The following TLL1 variants were observed in gnomAD, a reference collection of about 807,000 sequenced individuals.
TLL1 encodes tolloid-like protein 1.
Under a neutral mutation model 128.2 loss-of-function variants are expected in TLL1, and 49 were observed. The observed-to-expected ratio is 0.38, with a 90% CI of 0.30 to 0.48. The LOEUF (loss-of-function observed/expected upper bound fraction) is 0.48, where lower values mean the gene tolerates loss of function less well. TLL1 is among the 20% of genes least tolerant of loss of function. The probability of loss-of-function intolerance (pLI) is 0.96; values close to 1 mark genes in which losing one functional copy is unlikely to be tolerated. For missense variants in TLL1, 1,123 were observed against 1,242.0 expected, an observed-to-expected ratio of 0.90 and a Z score of 1.44; for synonymous variants, 454 against 418.8, an observed-to-expected ratio of 1.08 and a Z score of -1.03.
intron 15 of TLL1, among the ~76,000 whole-genome samples, chr4:166,063,441 C>T (rs1251087178): frequency 6.6e-6 from 1 of 152,102 alleles, no homozygotes; most frequent in Non-Finnish European, 1.5e-5. Flanking sequence ...GACGATTCCT[C>T]AAGGATCTAG....
intron 1 of TLL1, among the ~76,000 whole-genome samples, chr4:165,896,482 T>TC (rs1240036676): frequency 7.4e-6 from 1 of 134,700 alleles, no homozygotes; most frequent in African/African-American, 3.4e-5. Context: ...GGTATTTCTT[T>TC]TTTTTTTTTT....
At chr4:165,986,249 T>C (rs1409334655) in intron 1 of TLL1, among the ~76,000 whole-genome samples, 1 of 152,088 alleles carries the variant, frequency 6.6e-6, no homozygotes, top group African/African-American at 2.4e-5. Context: ...TCCTAATACA[T>C]ATGAGTATAA....
intron 1 of TLL1, among the ~76,000 whole-genome samples, chr4:165,941,493 G>A (rs1281219905): frequency 6.6e-6 from 1 of 152,090 alleles, no homozygotes; most frequent in Non-Finnish European, 1.5e-5. Context: ...GAAGGTTAGA[G>A]AGAGAGGACA....
intron 3 of TLL1, 55 bp from the exon 4 acceptor site, chr4:165,994,326 A>G (rs1736765767): frequency 3.1e-6 from 5 of 1,610,046 alleles, no homozygotes; most frequent in African/African-American, 1.3e-5. Context: ...TAAGAGGTAA[A>G]TGATTCCCTG....
intron 18 of TLL1, among the ~76,000 whole-genome samples, chr4:166,087,314 T>A (rs1741569558): frequency 6.6e-6 from 1 of 152,136 alleles, no homozygotes; most frequent in Non-Finnish European, 1.5e-5. Context: ...CATCTACAAC[T>A]GTTAAATAAT....
chr4:166,071,708 G>A (rs1288293518), intron 16 of TLL1, among the ~76,000 whole-genome samples: 2 of 151,942 alleles, frequency 1.3e-5, no homozygotes, highest in Non-Finnish European at 2.9e-5. Context: ...AGTGAAAACA[G>A]AAGTTAATTA....
intron 10 of TLL1, among the ~76,000 whole-genome samples, chr4:166,041,304 C>CTT (rs754411284): frequency 5.7e-5 from 3 of 52,226 alleles, no homozygotes; most frequent in Admixed American, 1.5e-4. Context: ...TTCTTTCTTT[C>CTT]TTTTTTTTTT....
rs1560865175 is a variant in TLL1, at chr4:166,091,086, TTTG to T, written c.2443-39_2443-37del. On this transcript the variant is annotated intron_variant, in intron 18 of 20. Transcript: ENST00000061240. ...CCAAAAATTATCTCATTTTGAGTGA[TTTG>T]TTTTTTTTTAAAAAAATTATTTCTT... is the stretch of plus-strand genomic sequence containing the variant. The T allele has an allele frequency of 1.4e-5, 19 of 1,406,038 alleles. 1 individual carries two copies. The Middle Eastern group carries it at 5.5e-4, about 41-fold the overall frequency. 87.1% of individuals were successfully genotyped at this position (1,406,038 alleles called of 1,614,324 possible).
chr4:166,008,594 T>C (rs1347464648), intron 7 of TLL1, among the ~76,000 whole-genome samples: 1 of 151,542 alleles, frequency 6.6e-6, no homozygotes, highest in Non-Finnish European at 1.5e-5. Context: ...AGAATTATAG[T>C]TCATCACTCA....
chr4:165,935,099 T>G (rs1475811390), intron 1 of TLL1, among the ~76,000 whole-genome samples: 1 of 152,182 alleles, frequency 6.6e-6, no homozygotes, highest in East Asian at 1.9e-4. Context: ...ATAATAATAA[T>G]ATGCAGTAGT....
rs5863785 is a variant in TLL1, at chr4:165,876,338, C to CAAA, written c.169+2274_169+2276dup. On this transcript the variant is annotated intron_variant, in intron 1 of 20. Transcript: ENST00000061240. ...CTACATTGAAATCCCAAGCAAGAGT[C>CAAA]AAAAAAAAAAATCACTGAAATAAGG... 6.0e-3 allele frequency among the ~76,000 whole-genome samples: 892 copies of CAAA among 148,882 alleles called. 7 individuals are homozygous for CAAA. The highest frequency in any genetic ancestry group is 0.019 in the African/African-American group (754 of 40,690).
intron 19 of TLL1, among the ~76,000 whole-genome samples, chr4:166,096,796 A>G (rs886695967): frequency 2.0e-5 from 3 of 152,188 alleles, no homozygotes; most frequent in Admixed American, 1.3e-4. Flanking sequence ...ACAGTGATTT[A>G]CATATTTACA....
At chr4:166,073,545 A>G (rs1300522551) in intron 16 of TLL1, among the ~76,000 whole-genome samples, 1 of 152,100 alleles carries the variant, frequency 6.6e-6, no homozygotes, top group Non-Finnish European at 1.5e-5. Context: ...AGAATAATGG[A>G]AGTGTCAAGG....
At chr4:165,940,737 G>A (rs557703287) in intron 1 of TLL1, among the ~76,000 whole-genome samples, 1 of 152,116 alleles carries the variant, frequency 6.6e-6, no homozygotes, top group African/African-American at 2.4e-5. Flanking sequence ...AAGATATGAT[G>A]AGGATATGTG....
rs557646522 is a variant in TLL1 at position 165,920,396 on chromosome 4, C to T, written c.169+46323C>T. ...TGTTGTTGAGCATTGTTGGTTAATA[C>T]AGCTTTATATCATTTCAATGATGTT... is the stretch of plus-strand genomic sequence containing the variant. On this transcript the variant is annotated intron_variant, in intron 1 of 20. Transcript: ENST00000061240. Among the ~76,000 whole-genome samples the T allele has an allele frequency of 7.9e-5, 12 of 152,264 alleles. No homozygotes were observed. In the East Asian group the frequency reaches 2.3e-3, roughly 29 times the overall value.
rs1742257245 is a variant in TLL1 at position 166,100,876 on chromosome 4, A to G, written c.3042A>G (p.Ter1014=). ...RYPDTTHTKK[*] is the part of the protein sequence containing the mutation. ...CAGATACCACACATACCAAAAAATA[A>G]CACCAAAACCTCTGTCAGAACACAA... Residue 1014 remains the stop codon, a stop_retained_variant, in exon 21 of 21, where the codon TAA becomes TAG. Transcript: ENST00000061240. 1.2e-6 allele frequency: 2 copies of G among 1,612,342 alleles called. No individual in the cohort carries two copies. The highest frequency in any genetic ancestry group is 2.7e-5 in the African/African-American group (2 of 74,852).
chr4:165,879,696 G>A (rs1005286758), intron 1 of TLL1, among the ~76,000 whole-genome samples: 1 of 151,748 alleles, frequency 6.6e-6, no homozygotes, highest in South Asian at 2.1e-4. Flanking sequence ...TTAAAATGAG[G>A]CATTGCACAT....
intron 12 of TLL1, among the ~76,000 whole-genome samples, chr4:166,046,591 T>G (rs958947238): frequency 6.6e-6 from 1 of 152,174 alleles, no homozygotes; most frequent in Non-Finnish European, 1.5e-5. Flanking sequence ...TTCACAGACA[T>G]GTACACAGCA....
chr4:165,946,391 A>G (rs1734249793), intron 1 of TLL1, among the ~76,000 whole-genome samples: 1 of 151,904 alleles, frequency 6.6e-6, no homozygotes, highest in African/African-American at 2.4e-5. Context: ...GCTTGAGTGC[A>G]GTGGCATGAT....
Sources: gnomAD v4.1 joint callset for allele counts (sites outside exome capture counted in the v4.1 genomes callset) on GRCh38, gnomAD v4.1.1 for gene constraint, MANE v1.5 for transcripts, NCBI Gene and HGNC (gene_info 2026-07-23, HGNC 2026-07-21) for gene names.